Variants in AMZ2 observed in about 807,000 individuals in gnomAD.
AMZ2 encodes the protein archaelysin family metallopeptidase 2, also known as archaemetzincin-2.
Under a neutral mutation model 36.7 loss-of-function variants are expected in AMZ2, and 26 were observed. The observed-to-expected ratio is 0.71, with a 90% CI of 0.52 to 0.98. The LOEUF (loss-of-function observed/expected upper bound fraction) is 0.98, where lower values mean the gene tolerates loss of function less well. Among genes scored for constraint, AMZ2 ranks in the 50% least tolerant of loss-of-function variants. AMZ2 has a pLI of 0.00. For synonymous variants in AMZ2, 144 were observed against 149.1 expected, an observed-to-expected ratio of 0.97 and a Z score of 0.25; for missense variants, 394 against 430.5, an observed-to-expected ratio of 0.92 and a Z score of 0.75.
chr17:68,246,832 A>G (rs2074034986), upstream of AMZ2: 1 of 152,290 alleles, frequency 6.6e-6, no homozygotes, highest in Non-Finnish European at 1.5e-5. Context: ...CATCAAGAAA[A>G]TGTGCCTGTC....
chr17:68,240,100 T>A (rs1217308913), intron 1 of AMZ2, among the ~76,000 whole-genome samples: 1 of 152,218 alleles, frequency 6.6e-6, no homozygotes, highest in Non-Finnish European at 1.5e-5. Flanking sequence ...ATCAAGGTGC[T>A]GATCTGGTGT....
intron 1 of AMZ2, chr17:68,206,471 T>TCC: frequency 5.4e-6 from 1 of 186,582 alleles, no homozygotes; most frequent in Non-Finnish European, 1.1e-5. Context: ...CTACACTCGC[T>TCC]CGCTCTCTCT....
intron 1 of AMZ2, among the ~76,000 whole-genome samples, chr17:68,211,872 G>GTATA (rs1568340464): frequency 8.1e-6 from 1 of 123,782 alleles, no homozygotes; most frequent in African/African-American, 2.9e-5. Flanking sequence ...ATATATGTGT[G>GTATA]TGTATGTATA....
At chr17:68,234,752 G>T (rs1238674246) in intron 1 of AMZ2, among the ~76,000 whole-genome samples, 1 of 151,322 alleles carries the variant, frequency 6.6e-6, no homozygotes, top group Non-Finnish European at 1.5e-5. Flanking sequence ...AGAGTGAAGA[G>T]TGGGTGACAG....
At position 68,250,878 on chromosome 17, in the gene AMZ2, G is replaced by A. The variant is rs781830885; in HGVS notation, c.368G>A (p.Arg123Lys). 13 of 1,610,420 alleles carry A rather than the reference G, an allele frequency of 8.1e-6. No individual in the cohort carries two copies. The East Asian group carries it at 2.7e-4, about 33-fold the overall frequency. Reference sequence around the variant, plus strand: ...TGTAAAGCATATTTCTATGGCTTGAGAGTAAAACTCCTAGAACCAGTTCCT... The same window carrying A: ...TGTAAAGCATATTTCTATGGCTTGAAAGTAAAACTCCTAGAACCAGTTCCT... ...GYCKAYFYGL[R>K]VKLLEPVPVS... Residue 123 changes from arginine to lysine, a missense_variant, in exon 3 of 7, where the codon AGA becomes AAA. Physicochemically the swap from Arg to Lys is conservative, Grantham distance 26. Coordinates refer to ENST00000359904, the MANE Select transcript of AMZ2 (RefSeq NM_016627.5).
rs782529719 is a variant in AMZ2, at chr17:68,255,756, A to AT, written c.808dup (p.Cys270LeufsTer13). The stretch of plus-strand genomic sequence containing the variant: ...GACTGCGACACTGCCAGTGGCTTGC[A>AT]TGCCTCATGCAAGGCTCCAACCACT... On this transcript the variant is annotated frameshift_variant, in exon 6 of 7. Transcript: ENST00000359904. LOFTEE classifies it high-confidence loss of function. 1 of 1,614,214 alleles carries AT rather than the reference A, an allele frequency of 6.2e-7. No individual in the cohort carries two copies. The highest frequency in any genetic ancestry group is 1.1e-5 in the South Asian group (1 of 91,082).
intron 1 of AMZ2, among the ~76,000 whole-genome samples, chr17:68,227,258 T>C (rs1555730142): frequency 6.6e-6 from 1 of 152,140 alleles, no homozygotes. Context: ...GTTTTCCTCC[T>C]CTGGGAAGTG....
At chr17:68,243,811 G>A (rs2073951038), upstream of AMZ2, among the ~76,000 whole-genome samples, 2 of 152,106 alleles carry the variant, frequency 1.3e-5, no homozygotes, top group South Asian at 4.2e-4. Flanking sequence ...AGGTTGGGGG[G>A]AAATTCGTAA....
chr17:68,250,739 T>TA, intron 2 of AMZ2, 55 bp from the exon 3 acceptor site: 4 of 1,459,346 alleles, frequency 2.7e-6, no homozygotes, highest in Non-Finnish European at 2.8e-6. Context: ...ATAGACTGGG[T>TA]AAACACTGAA....
rs1176663169 is a variant in AMZ2, at chr17:68,248,232, C to G, written c.-474C>G. On this transcript the variant is annotated 5_prime_UTR_variant, in exon 1 of 7. Transcript: ENST00000359904. ...GGGATGAGGATGTAGGAGGGGCGGA[C>G]GTGGCGGAAGCCGCGGGGTCCGCGG... 2 of 985,730 alleles carry G rather than the reference C, an allele frequency of 2.0e-6. No individual in the cohort carries two copies. The highest frequency in any genetic ancestry group is 1.1e-4 in the East Asian group (1 of 8,814). 61.1% of individuals were successfully genotyped at this position (985,730 alleles called of 1,614,324 possible). A position where few individuals can be genotyped will look rare whatever the true frequency, so the allele number is the denominator to read the frequency against.
intron 1 of AMZ2, among the ~76,000 whole-genome samples, chr17:68,241,922 T>C (rs1161028255): frequency 2.2e-4 from 33 of 150,366 alleles, no homozygotes; most frequent in Admixed American, 2.2e-3. Context: ...TTTTTTTTTT[T>C]GTAGCAGAGA....
Position 68,209,632 on chromosome 17 carries a change from A to ATATATATTT in AMZ2, c.-67+3395_-67+3396insATATATTTT. On this transcript the variant is annotated intron_variant, in intron 1 of 7. Coordinates refer to the AMZ2 transcript ENST00000674770. ...TATGTATATATATATATATATATATATTTTTTTTTTTTTTTATACAGAGTC... is the reference window on the plus strand; with the variant it reads ...TATGTATATATATATATATATATATATATATATTTTTTTTTTTTTTTTTTATACAGAGTC... Among the ~76,000 whole-genome samples, 298 of 90,600 alleles carry ATATATATTT rather than the reference A, an allele frequency of 3.3e-3. 1 individual carries two copies. Among genetic ancestry groups the ATATATATTT allele is most frequent in the Middle Eastern group, 6.7e-3 (1 of 150 alleles). 59.4% of individuals were successfully genotyped at this position (90,600 alleles called of 152,430 possible).
chr17:68,212,394 C>T (rs1206862514), intron 1 of AMZ2, among the ~76,000 whole-genome samples: 1 of 151,830 alleles, frequency 6.6e-6, no homozygotes, highest in Non-Finnish European at 1.5e-5. Flanking sequence ...AAAATCTACC[C>T]TTGAAGTGGC....
chr17:68,252,767 T>C (rs2074580189), intron 4 of AMZ2, among the ~76,000 whole-genome samples: 1 of 152,092 alleles, frequency 6.6e-6, no homozygotes, highest in Non-Finnish European at 1.5e-5. Flanking sequence ...CAAGCGAGCC[T>C]CCCATCTCAG....
rs782449814 is a variant in AMZ2, at chr17:68,250,422, A to G, written c.235A>G (p.Arg79Gly). 6.2e-7 allele frequency: 1 copy of G among 1,614,204 alleles called. No homozygotes were observed. Among genetic ancestry groups the G allele is most frequent in the Non-Finnish European group, 8.5e-7 (1 of 1,180,052 alleles). The change falls in exon 2 of 7, where the codon AGA becomes GGA. Residue 79 changes from arginine (R) to glycine (G), a missense_variant. Physicochemically the swap from Arg to Gly is moderately radical, Grantham distance 125. Coordinates refer to ENST00000359904, the MANE Select transcript of AMZ2 (RefSeq NM_016627.5). ...DFEQFFSDPY[R>G]KTPSPNKRSI... ...TGAACAGTTCTTCAGTGATCCTTAC[A>G]GAAAGACACCCTCTCCAAACAAACG... is the stretch of plus-strand genomic sequence containing the variant.
intron 1 of AMZ2, among the ~76,000 whole-genome samples, chr17:68,223,884 T>TTTTATA (rs71142151): frequency 3.3e-4 from 29 of 86,668 alleles, no homozygotes; most frequent in African/African-American, 1.0e-3. Context: ...CCCAGCTAAT[T>TTTTATA]TATATATATA....
intron 1 of AMZ2, among the ~76,000 whole-genome samples, chr17:68,227,292 CT>C (rs1407973314): frequency 7.2e-5 from 11 of 152,282 alleles, no homozygotes; most frequent in South Asian, 2.1e-4. Flanking sequence ...GTCCTCCCCC[CT>C]GGCTTATTGG....
Position 68,222,054 on chromosome 17 carries a change from A to G in AMZ2, c.-67+15816A>G, listed in dbSNP as rs142218025. On this transcript the variant is annotated intron_variant, in intron 1 of 7. Transcript: ENST00000674770. ...ATACATTAGCAATGGAATTAGAAGGAGGTGAATGAAAAGGATACTTCAGGC... is the reference window on the plus strand; with the variant it reads ...ATACATTAGCAATGGAATTAGAAGGGGGTGAATGAAAAGGATACTTCAGGC... Among the ~76,000 whole-genome samples, 806 of 152,356 alleles carry G rather than the reference A, an allele frequency of 5.3e-3. 9 individuals carry two copies. The highest frequency in any genetic ancestry group is 0.012 in the South Asian group (57 of 4,824).
At chr17:68,239,688 T>C (rs55893603) in intron 1 of AMZ2, among the ~76,000 whole-genome samples, 33,293 of 152,038 alleles carry the variant, frequency 0.22, 4,121 homozygotes, top group East Asian at 0.4. Context: ...AAAAATGGGA[T>C]GGTCACAGAG....
Sources: allele counts gnomAD v4.1 joint callset (sites outside exome capture counted in the v4.1 genomes callset), GRCh38; gene constraint gnomAD v4.1.1; transcripts MANE v1.5; gene names NCBI Gene and HGNC (gene_info 2026-07-23, HGNC 2026-07-21).